PCDHA3: variants seen among roughly 807,000 people sequenced by gnomAD.
PCDHA3 encodes the protein protocadherin alpha 3.
In PCDHA3, 41 loss-of-function variants were observed where a neutral mutation model predicts 62.2. The ratio of observed to expected loss-of-function variants is 0.66; its 90% CI spans 0.51 to 0.86. The LOEUF (loss-of-function observed/expected upper bound fraction) is 0.86, where lower values mean the gene tolerates loss of function less well. Ranked by LOEUF, PCDHA3 falls within the 40% of genes least tolerant of loss-of-function variation. The pLI is 0.00. For synonymous variants in PCDHA3, 640 were observed against 555.4 expected (o/e 1.15, Z -2.14); for missense variants, 1,304 against 1,241.2 (o/e 1.05, Z -0.76).
chr5:140,886,023 C>A (rs759768435), intron 1 of PCDHA3, among the ~76,000 whole-genome samples: 5 of 152,078 alleles, frequency 3.3e-5, no homozygotes, highest in Non-Finnish European at 7.4e-5. Flanking sequence ...GCTATGTATT[C>A]TTCACTAAGT....
chr5:140,802,441 G>A lies in PCDHA3; in HGVS notation c.1244G>A (p.Arg415His), dbSNP rs782314655. 3.7e-6 allele frequency: 6 copies of A among 1,614,220 alleles called. No homozygotes were observed. The highest frequency in any genetic ancestry group is 1.7e-5 in the Admixed American group (1 of 60,022). Residue 415 changes from arginine (R) to histidine (H), a missense_variant, in exon 1 of 4, where the codon CGC becomes CAC. Physicochemically the swap from Arg to His is conservative, Grantham distance 29 (BLOSUM62 0). Coordinates refer to ENST00000522353, the MANE Select transcript of PCDHA3 (RefSeq NM_018906.3). ...TTGGTGCTGGACAGCCCTCTGGACC[G>A]CGAGAGCGTGTCGGCCTATGAGCTG... is the stretch of plus-strand genomic sequence containing the variant. ...YSLVLDSPLD[R>H]ESVSAYELVV...
chr5:141,000,185 G>A (rs1434179793), intron 3 of PCDHA3, among the ~76,000 whole-genome samples: 1 of 151,896 alleles, frequency 6.6e-6, no homozygotes, highest in African/African-American at 2.4e-5. Flanking sequence ...AGGAGTCAAT[G>A]TGAGAATAGT....
intron 1 of PCDHA3, chr5:140,859,160 T>C (rs1554152196): frequency 6.7e-6 from 1 of 150,194 alleles, no homozygotes; most frequent in Non-Finnish European, 1.5e-5. Context: ...CTCTTCATTA[T>C]CTGCTCCTTT....
chr5:140,828,646 C>T, intron 1 of PCDHA3: 1 of 1,614,158 alleles, frequency 6.2e-7, no homozygotes, highest in Non-Finnish European at 8.5e-7. Context: ...TGAAAATAAA[C>T]AGTGATGACA....
In PCDHA3 at chr5:140,801,482, G is replaced by C. The variant is rs1554121504; in HGVS notation, c.285G>C (p.Leu95=). The C allele has an allele frequency of 6.2e-7, 1 of 1,614,142 alleles. No individual in the cohort carries two copies. The highest frequency in any genetic ancestry group is 8.5e-7 in the Non-Finnish European group (1 of 1,180,048). Residue 95 remains leucine, a synonymous_variant, in exon 1 of 4, where the codon CTG becomes CTC. Coordinates refer to ENST00000522353, the MANE Select transcript of PCDHA3 (RefSeq NM_018906.3). ...ATTCTCGGATAGACCGCGAGGAACT[G>C]TGCGGGCGGAGCGCGGAGTGCAGCA... The part of the protein sequence containing the change: ...FVNSRIDREE[L]CGRSAECSIH...
chr5:140,993,234 A>AATCTG (rs1554253510), intron 3 of PCDHA3, among the ~76,000 whole-genome samples: 1 of 152,130 alleles, frequency 6.6e-6, no homozygotes, highest in Non-Finnish European at 1.5e-5. Flanking sequence ...GTTCTCTCTG[A>AATCTG]ATCTGGGGAT....
rs144694616 is a variant in PCDHA3, at chr5:140,836,586, G to A, written c.2394+32995G>A. Reference sequence around the variant, plus strand: ...GTCCTCTGAGGGCGCATGTAGTTTGGTAAAGCCCACTCTGGTGTGCTCCAG... The same window carrying A: ...GTCCTCTGAGGGCGCATGTAGTTTGATAAAGCCCACTCTGGTGTGCTCCAG... On this transcript the variant is annotated intron_variant, in intron 1 of 3. Coordinates refer to ENST00000522353, the MANE Select transcript of PCDHA3 (RefSeq NM_018906.3). The A allele has an allele frequency of 3.1e-6, 5 of 1,613,634 alleles. 1 individual carries two copies. The highest frequency in any genetic ancestry group is 4.2e-6 in the Non-Finnish European group (5 of 1,179,854).
Position 140,968,523 on chromosome 5 carries a change from A to T in PCDHA3, c.2395-10426A>T, listed in dbSNP as rs1441549667. ...CACATTCTGTACCCTACCTCAACCA[A>T]CTCGTCAGCAGCCTTCGAGATGGTG... On this transcript the variant is annotated intron_variant, in intron 1 of 3. Coordinates refer to ENST00000522353, the MANE Select transcript of PCDHA3 (RefSeq NM_018906.3). The T allele has an allele frequency of 1.3e-5, 21 of 1,613,762 alleles. No individual in the cohort carries two copies. Among genetic ancestry groups the T allele is most frequent in the Non-Finnish European group, 1.8e-5 (21 of 1,179,980 alleles).
chr5:140,922,939 T>C (rs1206981483), intron 1 of PCDHA3, among the ~76,000 whole-genome samples: 1 of 152,172 alleles, frequency 6.6e-6, no homozygotes, highest in Non-Finnish European at 1.5e-5. Flanking sequence ...CTTCCAGCAA[T>C]GGAAATCCAG....
chr5:140,889,205 A>G (rs573455914), intron 1 of PCDHA3, among the ~76,000 whole-genome samples: 1 of 151,946 alleles, frequency 6.6e-6, no homozygotes, highest in East Asian at 2.0e-4. Context: ...TGAATACTTA[A>G]CAAAGAAGAA....
chr5:140,997,664 C>A (rs2097778003), intron 3 of PCDHA3, among the ~76,000 whole-genome samples: 1 of 142,906 alleles, frequency 7.0e-6, no homozygotes, highest in African/African-American at 2.5e-5. Context: ...TATTATTATA[C>A]AGCTTGTGTG....
At chr5:140,823,384 C>T (rs2150125335) in intron 1 of PCDHA3, 3 of 1,612,824 alleles carry the variant, frequency 1.9e-6, no homozygotes, top group Non-Finnish European at 2.5e-6. Context: ...GGTGAGCGCG[C>T]GCGACGCGGG....
chr5:140,843,097 G>T, intron 1 of PCDHA3: 1 of 1,595,704 alleles, frequency 6.3e-7, no homozygotes, highest in South Asian at 1.1e-5. Flanking sequence ...ACGTGGTAGC[G>T]AAGGTGCGCG....
rs1411970319 is a variant in PCDHA3, at chr5:140,927,470, G to A, written c.2395-51479G>A. The A allele has an allele frequency of 4.3e-6, 7 of 1,614,054 alleles. 1 individual carries two copies. The highest frequency in any genetic ancestry group is 3.3e-5 in the South Asian group (3 of 91,088). ...TTGGTGTTGGAGAAAGCACTGGATC[G>A]CGAACAGCGCGCCACCCACCTGCTG... On this transcript the variant is annotated intron_variant, in intron 1 of 3. Transcript: ENST00000522353.
intron 1 of PCDHA3, chr5:140,848,946 C>G (rs2150425951): frequency 1.2e-6 from 2 of 1,607,130 alleles, no homozygotes; most frequent in African/African-American, 2.7e-5. Context: ...GCTTGACTCT[C>G]GGTTTCCACT....
At chr5:140,897,378 C>T (rs992566047) in intron 1 of PCDHA3, among the ~76,000 whole-genome samples, 8 of 144,246 alleles carry the variant, frequency 5.5e-5, no homozygotes, top group Admixed American at 4.3e-4. Context: ...GTTCCCTTCC[C>T]CTTCCTGTGT....
chr5:140,927,702 C>T (rs533775539), intron 1 of PCDHA3: 2 of 1,614,210 alleles, frequency 1.2e-6, no homozygotes, highest in South Asian at 1.1e-5. Flanking sequence ...AAGTCCAGTA[C>T]TCCCTAAGCA....
At chr5:140,829,972 C>G (rs2150178904) in intron 1 of PCDHA3, 5 of 1,614,006 alleles carry the variant, frequency 3.1e-6, no homozygotes, top group Non-Finnish European at 4.2e-6. Context: ...TGGGGCTGTA[C>G]ACGGGCGAGA....
chr5:140,821,566 A>G lies in PCDHA3; in HGVS notation c.2394+17975A>G, dbSNP rs2150109889. ...TTTCATCCACATGATGTCGCTGGACACCGGAAGGTTTTTCTCCCTTCCCAG... is the reference window on the plus strand; with the variant it reads ...TTTCATCCACATGATGTCGCTGGACGCCGGAAGGTTTTTCTCCCTTCCCAG... On this transcript the variant is annotated intron_variant, in intron 1 of 3. Coordinates refer to ENST00000522353, the MANE Select transcript of PCDHA3 (RefSeq NM_018906.3). 3 of 537,642 alleles carry G rather than the reference A, an allele frequency of 5.6e-6. No homozygotes were observed. The South Asian group carries it at 1.0e-4, about 18-fold the overall frequency. The allele number at this position is 537,642 out of a possible 1,614,324, so 33.3% of individuals were successfully genotyped here. A position where few individuals can be genotyped will look rare whatever the true frequency, so the allele number is the denominator to read the frequency against.
Sources: allele counts gnomAD v4.1 joint callset (sites outside exome capture counted in the v4.1 genomes callset), GRCh38; gene constraint gnomAD v4.1.1; transcripts MANE v1.5; gene names NCBI Gene and HGNC (gene_info 2026-07-23, HGNC 2026-07-21).